The following CSNK1A1 variants were observed in gnomAD, a reference collection of about 807,000 sequenced individuals.
CSNK1A1 encodes the protein casein kinase 1 alpha 1.
A neutral mutation model predicts 46.1 loss-of-function variants in CSNK1A1; 7 were observed. The observed-to-expected ratio is 0.15, with a 90% CI of 0.09 to 0.29. CSNK1A1 has a LOEUF of 0.29. Ranked by LOEUF, CSNK1A1 falls within the 10% of genes least tolerant of loss-of-function variation. CSNK1A1 has a pLI of 1.00. For missense variants in CSNK1A1, 96 were observed against 417.1 expected, an observed-to-expected ratio of 0.23 and a Z score of 6.71; for synonymous variants, 137 against 141.5, an observed-to-expected ratio of 0.97 and a Z score of 0.23.
At chr5:149,545,432 G>A (rs1762448105) in intron 2 of CSNK1A1, 1 of 535,444 alleles carries the variant, frequency 1.9e-6, no homozygotes, top group South Asian at 2.4e-5. Flanking sequence ...AGGAGCCTGA[G>A]CTGGAACTGA....
In CSNK1A1 at chr5:149,525,434, G is replaced by A. The variant is rs538149804; in HGVS notation, c.231-263C>T. Among the ~76,000 whole-genome samples, 2 of 152,034 alleles carry A rather than the reference G, an allele frequency of 1.3e-5. No individual in the cohort carries two copies. Among genetic ancestry groups the A allele is most frequent in the South Asian group, 4.2e-4 (2 of 4,814 alleles). The stretch of plus-strand genomic sequence containing the variant: ...GTAGCCTTAACACTCCTGTTACCAG[G>A]GCAGCTGAATTTTATACCCACTGGC... On this transcript the variant is annotated intron_variant, in intron 2 of 9. Coordinates refer to ENST00000377843, the MANE Select transcript of CSNK1A1 (RefSeq NM_001892.6). The surrounding 1 kb of genome is among the most constrained non-coding windows in gnomAD (Gnocchi z 4.2).
In CSNK1A1 at chr5:149,543,485, TG is replaced by T. The variant is rs199502751; in HGVS notation, c.230+6589del. Reference sequence around the variant, plus strand: ...TCGTGATCTGTGACGTACGTTTTTCTGGTTTTTTTTTTTTAGTCCAAGCTAA... The same window carrying T: ...TCGTGATCTGTGACGTACGTTTTTCTGTTTTTTTTTTTTAGTCCAAGCTAA... On this transcript the variant is annotated intron_variant, in intron 2 of 9. Transcript: ENST00000377843. Among the ~76,000 whole-genome samples, 103 of 150,934 alleles carry T rather than the reference TG, an allele frequency of 6.8e-4. No individual in the cohort carries two copies. The East Asian group carries it at 7.9e-3, about 12-fold the overall frequency.
chr5:149,516,631 G>C (rs1337702128), intron 4 of CSNK1A1, among the ~76,000 whole-genome samples: 1 of 152,034 alleles, frequency 6.6e-6, no homozygotes, highest in African/African-American at 2.4e-5. Flanking sequence ...CGAAATGTAA[G>C]CAAAATATGT....
chr5:149,543,769 T>C (rs1042391204), intron 2 of CSNK1A1, among the ~76,000 whole-genome samples: 2 of 152,122 alleles, frequency 1.3e-5, no homozygotes, highest in African/African-American at 2.4e-5. Flanking sequence ...TCATCTGCAG[T>C]CCTAGCTACT....
chr5:149,530,167 T>G (rs935610520), intron 2 of CSNK1A1, among the ~76,000 whole-genome samples: 1 of 152,198 alleles, frequency 6.6e-6, no homozygotes, highest in African/African-American at 2.4e-5. Context: ...ATATTTGTCT[T>G]GTTCACAATC....
chr5:149,527,739 C>T (rs1486291459), intron 2 of CSNK1A1, among the ~76,000 whole-genome samples: 1 of 152,084 alleles, frequency 6.6e-6, no homozygotes, highest in East Asian at 1.9e-4. Context: ...CCATTACAAA[C>T]GTTCAACACT....
At chr5:149,533,508 G>C (rs1761961211) in intron 2 of CSNK1A1, among the ~76,000 whole-genome samples, 1 of 152,144 alleles carries the variant, frequency 6.6e-6, no homozygotes, top group South Asian at 2.1e-4. Context: ...GGTTGGTATA[G>C]TGTGTAAGAT....
At chr5:149,501,684 C>A (rs1486988003) in intron 9 of CSNK1A1, 3 of 985,224 alleles carry the variant, frequency 3.0e-6, no homozygotes, top group Admixed American at 6.2e-5. Flanking sequence ...GTAGAATTAT[C>A]CAAGAATCCA....
chr5:149,536,733 C>T (rs1762072843), intron 2 of CSNK1A1, among the ~76,000 whole-genome samples: 2 of 152,290 alleles, frequency 1.3e-5, no homozygotes, highest in Middle Eastern at 3.4e-3. Flanking sequence ...AATAATACAG[C>T]ACTAAGTAAT....
chr5:149,512,416 C>T (rs143709590), intron 5 of CSNK1A1, among the ~76,000 whole-genome samples: 150 of 152,116 alleles, frequency 9.9e-4, no homozygotes, highest in African/African-American at 3.5e-3. Context: ...ATTTCTTAAG[C>T]CTGAAATTCT....
chr5:149,500,007 C>G (rs953871317), intron 9 of CSNK1A1, among the ~76,000 whole-genome samples: 1 of 118,700 alleles, frequency 8.4e-6, no homozygotes, highest in Non-Finnish European at 1.6e-5. Flanking sequence ...CTCGCTCTGT[C>G]ACCCAGGCTG....
rs1397495029 is a variant in CSNK1A1, at chr5:149,533,667, C to T, written c.231-8496G>A. Among the ~76,000 whole-genome samples the T allele has an allele frequency of 7.4e-5, 11 of 148,206 alleles. No homozygotes were observed. In the South Asian group the frequency reaches 1.5e-3, roughly 20 times the overall value. On this transcript the variant is annotated intron_variant, in intron 2 of 9. Coordinates refer to ENST00000377843, the MANE Select transcript of CSNK1A1 (RefSeq NM_001892.6). Reference sequence around the variant, plus strand: ...AAGATCACAAATAATTGAGCGGGGACGTAGTTGCAAAAAAAAAAAAAATCA... The same window carrying T: ...AAGATCACAAATAATTGAGCGGGGATGTAGTTGCAAAAAAAAAAAAAATCA...
chr5:149,541,116 A>G (rs775374395), intron 2 of CSNK1A1, among the ~76,000 whole-genome samples: 1 of 150,622 alleles, frequency 6.6e-6, no homozygotes, highest in Non-Finnish European at 1.5e-5. Flanking sequence ...CCACTAAAAC[A>G]TGCATTAGTT....
chr5:149,543,514 A>G (rs143332547), intron 2 of CSNK1A1, among the ~76,000 whole-genome samples: 13 of 151,882 alleles, frequency 8.6e-5, no homozygotes, highest in Admixed American at 5.9e-4. Flanking sequence ...CAAGCTAAGC[A>G]TGGACACTGT....
chr5:149,550,366 T>A lies in CSNK1A1; in HGVS notation c.124-185A>T, dbSNP rs891023031. The A allele has an allele frequency of 1.4e-6, 2 of 1,398,718 alleles. No homozygotes were observed. Among genetic ancestry groups the A allele is most frequent in the Non-Finnish European group, 1.9e-6 (2 of 1,079,652 alleles). The allele number at this position is 1,398,718 out of a possible 1,614,324, so 86.6% of individuals were successfully genotyped here. ...CCTCAAAGGCCTCTTCAGGGGGTAG[T>A]GACGAAATCCGTACGTCCTCTAAAG... is the stretch of plus-strand genomic sequence containing the variant. On this transcript the variant is annotated intron_variant, in intron 1 of 9. Transcript: ENST00000377843. The surrounding 1 kb of genome is among the most constrained non-coding windows in gnomAD (Gnocchi z 4.3).
At chr5:149,497,859 A>C (rs1442107527) in intron 9 of CSNK1A1, 1 of 980,608 alleles carries the variant, frequency 1.0e-6, no homozygotes, top group East Asian at 1.1e-4. Context: ...TTTTGGAGAC[A>C]GTCTCGCTCT....
Position 149,549,374 on chromosome 5 carries a change from A to G in CSNK1A1, c.230+701T>C. The G allele has an allele frequency of 4.5e-6, 3 of 671,446 alleles. No homozygotes were observed. In the South Asian group the frequency reaches 4.5e-5, roughly 10 times the overall value. 41.6% of individuals were successfully genotyped at this position (671,446 alleles called of 1,614,324 possible). ...AAAAGAACTACGAAGGATTTTACAT[A>G]GTGTAATTCAACAATTTCGTGTCAC... On this transcript the variant is annotated intron_variant, in intron 2 of 9. Transcript: ENST00000377843.
At chr5:149,511,395 C>G (rs1761219939) in intron 6 of CSNK1A1, among the ~76,000 whole-genome samples, 1 of 151,352 alleles carries the variant, frequency 6.6e-6, no homozygotes, top group Non-Finnish European at 1.5e-5. Context: ...CAGTAAACTC[C>G]TAGCTAATAG....
rs113028363 is a variant in CSNK1A1 at position 149,501,378 on chromosome 5, A to G, written c.1006+4069T>C. 2.3e-4 allele frequency: 223 copies of G among 985,448 alleles called. 3 individuals are homozygous for G. The African/African-American group carries it at 3.2e-3, about 14-fold the overall frequency. 61.0% of individuals were successfully genotyped at this position (985,448 alleles called of 1,614,324 possible). A position where few individuals can be genotyped will look rare whatever the true frequency, so the allele number is the denominator to read the frequency against. ...TGTTCAGACTGTCCAGGTATTTCAA[A>G]ATCTTCCCCTGTGATGTGGGTGTGC... On this transcript the variant is annotated intron_variant, in intron 9 of 9. Coordinates refer to ENST00000377843, the MANE Select transcript of CSNK1A1 (RefSeq NM_001892.6).
Sources: gnomAD v4.1 joint callset for allele counts (sites outside exome capture counted in the v4.1 genomes callset) on GRCh38, gnomAD v4.1.1 for gene constraint, Gnocchi (gnomAD v3.1) non-coding constraint, MANE v1.5 for transcripts, NCBI Gene and HGNC (gene_info 2026-07-23, HGNC 2026-07-21) for gene names.